EFCAB6: variants seen among roughly 807,000 people sequenced by gnomAD.
EFCAB6 encodes the protein EF-hand calcium-binding domain-containing protein 6.
Under a neutral mutation model 169.8 loss-of-function variants are expected in EFCAB6, and 156 were observed. The observed-to-expected ratio is 0.92, with a 90% CI of 0.81 to 1.05. The LOEUF is 1.05. EFCAB6 is among the 50% of genes least tolerant of loss of function. The probability of loss-of-function intolerance (pLI) is 0.00; values close to 1 mark genes in which losing one functional copy is unlikely to be tolerated. For missense variants in EFCAB6, 1,800 were observed against 1,829.1 expected (o/e 0.98, Z 0.29); for synonymous variants, 698 against 676.4 (o/e 1.03, Z -0.50).
intron 4 of EFCAB6, among the ~76,000 whole-genome samples, chr22:43,771,932 G>A (rs538824987): frequency 4.1e-4 from 63 of 152,282 alleles, no homozygotes; most frequent in African/African-American, 1.3e-3. Context: ...CATGGCAGGC[G>A]GATGCAGGCA....
Position 43,715,305 on chromosome 22 carries a change from C to T in EFCAB6, c.882+1543G>A, listed in dbSNP as rs112180041. Among the ~76,000 whole-genome samples the T allele has an allele frequency of 3.8e-3, 571 of 152,244 alleles. 8 individuals are homozygous for T. The highest frequency in any genetic ancestry group is 0.013 in the African/African-American group (537 of 41,546). Reference sequence around the variant, plus strand: ...GCCTGCACTGCATAGGCTGTTTACACTCAGCCCCAGGACTTAGCTGGACTC... The same window carrying T: ...GCCTGCACTGCATAGGCTGTTTACATTCAGCCCCAGGACTTAGCTGGACTC... On this transcript the variant is annotated intron_variant, in intron 9 of 31. Coordinates refer to ENST00000262726, the MANE Select transcript of EFCAB6 (RefSeq NM_022785.4).
At chr22:43,732,465 CTT>C (rs5845617) in intron 7 of EFCAB6, among the ~76,000 whole-genome samples, 52 of 119,212 alleles carry the variant, frequency 4.4e-4, no homozygotes, top group Middle Eastern at 4.4e-3. Flanking sequence ...TACTGAAATA[CTT>C]TTTTTTTTTT....
chr22:43,548,767 G>A lies in EFCAB6; in HGVS notation c.3648+6102C>T, dbSNP rs550552738. Among the ~76,000 whole-genome samples, 260 of 151,990 alleles carry A rather than the reference G, an allele frequency of 1.7e-3. 1 individual carries two copies. In the Middle Eastern group the frequency reaches 0.02, roughly 12 times the overall value. ...GGGCCAAAGAGACAAAAAGGACAAC[G>A]AGTTTTTGAAGGGCATAAATAACAA... On this transcript the variant is annotated intron_variant, in intron 27 of 31. Coordinates refer to ENST00000262726, the MANE Select transcript of EFCAB6 (RefSeq NM_022785.4).
In EFCAB6 at chr22:43,530,939, G is replaced by C. The variant is rs868031539; in HGVS notation, c.4259C>G (p.Ser1420Cys). The change falls in exon 31 of 32, where the codon TCT becomes TGT. Residue 1420 changes from serine to cysteine, a missense_variant. Coordinates refer to ENST00000262726, the MANE Select transcript of EFCAB6 (RefSeq NM_022785.4). ...AATACGCAGCAGAGCAGAGTAAAAAGATGGCGTCTCCGCGCCGGCTTCTTT... is the reference window on the plus strand; with the variant it reads ...AATACGCAGCAGAGCAGAGTAAAAACATGGCGTCTCCGCGCCGGCTTCTTT... ...KMKEAGAETP[S>C]FYSALLRIQP... 1.9e-6 allele frequency: 3 copies of C among 1,614,222 alleles called. No homozygotes were observed. Among genetic ancestry groups the C allele is most frequent in the African/African-American group, 2.7e-5 (2 of 75,070 alleles).
chr22:43,577,135 G>T (rs2050308558), intron 25 of EFCAB6, among the ~76,000 whole-genome samples: 2 of 152,166 alleles, frequency 1.3e-5, no homozygotes, highest in Admixed American at 1.3e-4. Flanking sequence ...GAGCAGCGGG[G>T]GCACACGTTG....
At chr22:43,664,516 A>G (rs137762) in intron 17 of EFCAB6, among the ~76,000 whole-genome samples, 84,128 of 152,046 alleles carry the variant, frequency 0.55, 23,589 homozygotes, top group East Asian at 0.77. Context: ...AAACAAGATG[A>G]AGGAGGTGAA....
chr22:43,652,977 C>T (rs1271089750), intron 17 of EFCAB6, among the ~76,000 whole-genome samples: 1 of 152,034 alleles, frequency 6.6e-6, no homozygotes, highest in African/African-American at 2.4e-5. Context: ...GTACAACTAA[C>T]CACAGATTGA....
intron 20 of EFCAB6, among the ~76,000 whole-genome samples, chr22:43,623,626 T>G (rs1296543959): frequency 2.0e-5 from 3 of 151,076 alleles, no homozygotes; most frequent in Non-Finnish European, 2.9e-5. Context: ...CCAGGCGCGG[T>G]GGCTCACGCC....
At chr22:43,713,132 A>G (rs780126459) in intron 9 of EFCAB6, among the ~76,000 whole-genome samples, 89 of 152,100 alleles carry the variant, frequency 5.9e-4, no homozygotes, top group Non-Finnish European at 7.6e-4. Flanking sequence ...ATTCTCTCTC[A>G]TAACACCCTG....
At chr22:43,652,737 C>T (rs1353676828) in intron 17 of EFCAB6, among the ~76,000 whole-genome samples, 3 of 151,364 alleles carry the variant, frequency 2.0e-5, no homozygotes, top group Admixed American at 6.6e-5. Context: ...AGAGACAGAA[C>T]CATATAACCC....
intron 17 of EFCAB6, among the ~76,000 whole-genome samples, chr22:43,650,115 T>C (rs1264796967): frequency 6.6e-6 from 1 of 152,124 alleles, no homozygotes; most frequent in Non-Finnish European, 1.5e-5. Flanking sequence ...CTTGTGGTCC[T>C]GAGGAAATAA....
intron 6 of EFCAB6, among the ~76,000 whole-genome samples, chr22:43,753,688 A>C (rs977621910): frequency 1.3e-5 from 2 of 152,224 alleles, no homozygotes; most frequent in Non-Finnish European, 2.9e-5. Flanking sequence ...ATCAGCCATC[A>C]GACCAAGCTC....
chr22:43,734,547 AAAT>A (rs1275690068), intron 7 of EFCAB6, among the ~76,000 whole-genome samples: 4 of 152,240 alleles, frequency 2.6e-5, no homozygotes, highest in Non-Finnish European at 4.4e-5. Context: ...GTTTATTGTC[AAAT>A]AAAACACTGT....
chr22:43,630,488 T>C (rs927823653), intron 19 of EFCAB6, among the ~76,000 whole-genome samples: 2 of 152,226 alleles, frequency 1.3e-5, no homozygotes, highest in Non-Finnish European at 2.9e-5. Flanking sequence ...GAGCTGGGCT[T>C]CCCACGGCCT....
intron 9 of EFCAB6, among the ~76,000 whole-genome samples, chr22:43,712,595 T>A (rs889094165): frequency 6.6e-6 from 1 of 152,210 alleles, no homozygotes; most frequent in Non-Finnish European, 1.5e-5. Context: ...GAAAATTGCA[T>A]AAAATTAACC....
Position 43,530,835 on chromosome 22 carries a change from T to C in EFCAB6, c.4363A>G (p.Ser1455Gly). 1 of 1,613,984 alleles carries C rather than the reference T, an allele frequency of 6.2e-7. No individual in the cohort carries two copies. Among genetic ancestry groups the C allele is most frequent in the Non-Finnish European group, 8.5e-7 (1 of 1,180,052 alleles). ...SYDEAGTGLL[S>G]VADFRTVLRQ... ...CTCACCGTCCTGAAATCTGCGACGC[T>C]TAGCAGCCCTGTTCCAGCCTCATCA... The change falls in exon 31 of 32, where the codon AGC becomes GGC. Residue 1455 changes from serine (S) to glycine (G), a missense_variant. Transcript: ENST00000262726.
intron 20 of EFCAB6, among the ~76,000 whole-genome samples, chr22:43,619,130 G>A (rs954492826): frequency 1.3e-5 from 2 of 152,130 alleles, no homozygotes; most frequent in Non-Finnish European, 2.9e-5. Context: ...ATGTGTAAAG[G>A]TGTGGAACTG....
At chr22:43,648,597 T>A (rs1399907247) in intron 17 of EFCAB6, among the ~76,000 whole-genome samples, 1 of 152,182 alleles carries the variant, frequency 6.6e-6, no homozygotes, top group Non-Finnish European at 1.5e-5. Context: ...AAAAACCACC[T>A]GTTGGGTACT....
intron 9 of EFCAB6, among the ~76,000 whole-genome samples, chr22:43,713,992 C>T (rs1007497684): frequency 6.6e-6 from 1 of 152,040 alleles, no homozygotes; most frequent in East Asian, 1.9e-4. Context: ...GCAAAAATTT[C>T]ATGCCACAAA....
Sources: gnomAD v4.1 joint callset for allele counts (sites outside exome capture counted in the v4.1 genomes callset) on GRCh38, gnomAD v4.1.1 for gene constraint, MANE v1.5 for transcripts, NCBI Gene and HGNC (gene_info 2026-07-23, HGNC 2026-07-21) for gene names.